The following PDZRN4 variants were observed in gnomAD, a reference collection of about 807,000 sequenced individuals.
PDZRN4 encodes PDZ domain-containing RING finger protein 4.
In PDZRN4, 70 loss-of-function variants were observed where a neutral mutation model predicts 99.0. The observed-to-expected ratio is 0.71, with a 90% CI of 0.58 to 0.86. The LOEUF is 0.86. PDZRN4 is among the 40% of genes least tolerant of loss of function. The probability of loss-of-function intolerance (pLI) is 0.00; values close to 1 mark genes in which losing one functional copy is unlikely to be tolerated. For missense variants in PDZRN4, 1,474 were observed against 1,331.2 expected, an observed-to-expected ratio of 1.11 and a Z score of -1.67; for synonymous variants, 551 against 501.6, an observed-to-expected ratio of 1.10 and a Z score of -1.32.
intron 3 of PDZRN4, among the ~76,000 whole-genome samples, chr12:41,422,235 A>G (rs1432721051): frequency 2.0e-5 from 3 of 152,170 alleles, no homozygotes; most frequent in Non-Finnish European, 4.4e-5. Context: ...TGCACACATA[A>G]CTTATCTTCA....
At chr12:41,478,538 A>G (rs987417294) in intron 3 of PDZRN4, among the ~76,000 whole-genome samples, 3 of 152,188 alleles carry the variant, frequency 2.0e-5, no homozygotes, top group Admixed American at 6.5e-5. Flanking sequence ...AATATGTAAA[A>G]TGTTCAAAAA....
rs1381582220 is a variant in PDZRN4, at chr12:41,266,037, C to G, written c.843+71849C>G. ...CTTAAAATGAGATATTAAGGCCGGG[C>G]GCGGTGGCTCACGCCTGTAATCCCA... is the stretch of plus-strand genomic sequence containing the variant. On this transcript the variant is annotated intron_variant, in intron 3 of 9. Transcript: ENST00000402685. Among the ~76,000 whole-genome samples the G allele has an allele frequency of 3.5e-4, 4 of 11,592 alleles. 2 individuals are homozygous for G. Among genetic ancestry groups the G allele is most frequent in the African/African-American group, 8.2e-4 (4 of 4,894 alleles). The allele number at this position is 11,592 out of a possible 152,430, so 7.6% of individuals were successfully genotyped here. A position where few individuals can be genotyped will look rare whatever the true frequency, so the allele number is the denominator to read the frequency against.
chr12:41,340,548 ATTAAT>A lies in PDZRN4; in HGVS notation c.843+146364_843+146368del, dbSNP rs561736594. Among the ~76,000 whole-genome samples the A allele has an allele frequency of 1.2e-3, 189 of 152,102 alleles. 1 individual carries two copies. Among genetic ancestry groups the A allele is most frequent in the African/African-American group, 4.4e-3 (181 of 41,570 alleles). Reference sequence around the variant, plus strand: ...GCACAGCAGGGTTACTACAGTCAACATTAATTTACTGTATATTTTTAAATAACTAG... The same window carrying A: ...GCACAGCAGGGTTACTACAGTCAACATTACTGTATATTTTTAAATAACTAG... On this transcript the variant is annotated intron_variant, in intron 3 of 9. Coordinates refer to ENST00000402685, the MANE Select transcript of PDZRN4 (RefSeq NM_001164595.2).
chr12:41,231,150 A>G (rs1259042677), intron 3 of PDZRN4, among the ~76,000 whole-genome samples: 2 of 152,080 alleles, frequency 1.3e-5, no homozygotes, highest in Admixed American at 1.3e-4. Context: ...TGAATGAAAA[A>G]CACTCATTAG....
intron 5 of PDZRN4, among the ~76,000 whole-genome samples, chr12:41,510,608 A>C (rs772343951): frequency 4.6e-5 from 7 of 152,146 alleles, no homozygotes; most frequent in Admixed American, 6.6e-5. Context: ...TTTAAAAATA[A>C]AATAGATTGA....
At chr12:41,312,076 G>A (rs953668255) in intron 3 of PDZRN4, among the ~76,000 whole-genome samples, 13 of 152,168 alleles carry the variant, frequency 8.5e-5, no homozygotes, top group Non-Finnish European at 1.9e-4. Context: ...CAGTGTTAGG[G>A]TTCTTTTTCT....
intron 3 of PDZRN4, among the ~76,000 whole-genome samples, chr12:41,420,231 A>G (rs1159121708): frequency 6.6e-6 from 1 of 152,068 alleles, no homozygotes; most frequent in South Asian, 2.1e-4. Context: ...GTACCTAAAT[A>G]TTGCCTTTAC....
rs909855984 is a variant in PDZRN4, at chr12:41,573,750, A to T, written c.2971A>T (p.Ser991Cys). 3 of 1,613,856 alleles carry T rather than the reference A, an allele frequency of 1.9e-6. No homozygotes were observed. Among genetic ancestry groups the T allele is most frequent in the Non-Finnish European group, 2.5e-6 (3 of 1,179,890 alleles). ...GKKEINIIEL[S>C]HKKMMKKRNK... The stretch of plus-strand genomic sequence containing the variant: ...GAAGGAGATCAATATCATTGAACTG[A>T]GTCACAAAAAGATGATGAAAAAGAG... Residue 991 changes from serine to cysteine, a missense_variant, in exon 10 of 10, where the codon AGT becomes TGT. Ser to Cys is a moderately radical substitution (Grantham distance 112). Coordinates refer to ENST00000402685, the MANE Select transcript of PDZRN4 (RefSeq NM_001164595.2).
At chr12:41,227,715 C>T (rs1025529404) in intron 3 of PDZRN4, among the ~76,000 whole-genome samples, 1 of 151,958 alleles carries the variant, frequency 6.6e-6, no homozygotes, top group Non-Finnish European at 1.5e-5. Flanking sequence ...CTACCAGGAT[C>T]TCTAGTGTGA....
chr12:41,204,292 C>A (rs1453085180), intron 3 of PDZRN4, among the ~76,000 whole-genome samples: 2 of 151,930 alleles, frequency 1.3e-5, no homozygotes, highest in African/African-American at 4.8e-5. Context: ...CAAAGAGGTC[C>A]TCTAAAAAGT....
chr12:41,199,325 AG>A (rs1302927968), intron 3 of PDZRN4, among the ~76,000 whole-genome samples: 14 of 152,188 alleles, frequency 9.2e-5, no homozygotes, highest in Admixed American at 5.2e-4. Flanking sequence ...TACACCAGTC[AG>A]AAAATGGTTA....
intron 3 of PDZRN4, 80 bp downstream of exon 3, chr12:41,194,268 C>G: frequency 1.4e-6 from 1 of 727,744 alleles, no homozygotes; most frequent in South Asian, 1.5e-5. Context: ...ACCACTTTAC[C>G]TTGGTGTGGT....
chr12:41,483,976 G>A (rs1937725632), intron 3 of PDZRN4, among the ~76,000 whole-genome samples: 1 of 151,954 alleles, frequency 6.6e-6, no homozygotes, highest in African/African-American at 2.4e-5. Context: ...ATTTAACCTG[G>A]ATTCCATTCT....
chr12:41,386,916 A>T (rs1398907127), intron 3 of PDZRN4, among the ~76,000 whole-genome samples: 1 of 152,220 alleles, frequency 6.6e-6, no homozygotes, highest in African/African-American at 2.4e-5. Context: ...ATAACTGGTT[A>T]GCCATATGCA....
intron 3 of PDZRN4, among the ~76,000 whole-genome samples, chr12:41,284,594 C>A (rs776408375): frequency 6.6e-6 from 1 of 152,198 alleles, no homozygotes; most frequent in African/African-American, 2.4e-5. Context: ...ATCACGCAAC[C>A]TGACTTCAAA....
chr12:41,461,759 A>G (rs1297760132), intron 3 of PDZRN4, among the ~76,000 whole-genome samples: 1 of 152,226 alleles, frequency 6.6e-6, no homozygotes, highest in Non-Finnish European at 1.5e-5. Flanking sequence ...AGCCCTAAAT[A>G]GAATAAATGG....
At chr12:41,399,521 G>A (rs12308005) in intron 3 of PDZRN4, among the ~76,000 whole-genome samples, 4,969 of 152,212 alleles carry the variant, frequency 0.033, 116 homozygotes, top group African/African-American at 0.071. Flanking sequence ...GATCACCTGA[G>A]GTCTGGAGTT....
At chr12:41,450,920 C>A (rs1395961897) in intron 3 of PDZRN4, among the ~76,000 whole-genome samples, 1 of 151,874 alleles carries the variant, frequency 6.6e-6, no homozygotes, top group African/African-American at 2.4e-5. Flanking sequence ...AGAGCAAGAC[C>A]CTGTCTCAAT....
At position 41,521,519 on chromosome 12, in the gene PDZRN4, G is replaced by A. The variant is rs181546294; in HGVS notation, c.1203+11606G>A. ...GGAAAAACACATATGGATTAAAAAC[G>A]ATTACATCATATTTGGACCAAAGAG... On this transcript the variant is annotated intron_variant, in intron 5 of 9. Coordinates refer to ENST00000402685, the MANE Select transcript of PDZRN4 (RefSeq NM_001164595.2). 7.2e-5 allele frequency among the ~76,000 whole-genome samples: 11 copies of A among 152,134 alleles called. No homozygotes were observed. The East Asian group carries it at 1.4e-3, about 19-fold the overall frequency.
Sources: allele counts gnomAD v4.1 joint callset (sites outside exome capture counted in the v4.1 genomes callset), GRCh38; gene constraint gnomAD v4.1.1; transcripts MANE v1.5; gene names NCBI Gene and HGNC (gene_info 2026-07-23, HGNC 2026-07-21).